The following ARHGAP18 variants were observed in gnomAD, a reference collection of about 807,000 sequenced individuals.
ARHGAP18 encodes rho GTPase-activating protein 18.
Under a neutral mutation model 86.2 loss-of-function variants are expected in ARHGAP18, and 67 were observed. That is an observed-to-expected ratio of 0.78 (90% CI 0.64 to 0.95). The LOEUF (loss-of-function observed/expected upper bound fraction) is 0.95. Ranked by LOEUF, ARHGAP18 falls within the 40% of genes least tolerant of loss-of-function variation. ARHGAP18 has a pLI of 0.00. For missense variants in ARHGAP18, 691 were observed against 780.4 expected, an observed-to-expected ratio of 0.89 and a Z score of 1.37; for synonymous variants, 283 against 280.4, an observed-to-expected ratio of 1.01 and a Z score of -0.09.
At chr6:129,628,469 G>T (rs1377359331) in intron 5 of ARHGAP18, among the ~76,000 whole-genome samples, 1 of 152,254 alleles carries the variant, frequency 6.6e-6, no homozygotes, top group East Asian at 1.9e-4. Context: ...CCAGTCTCAA[G>T]GATGACAAAT....
At chr6:129,668,143 T>G (rs989253157) in intron 1 of ARHGAP18, among the ~76,000 whole-genome samples, 25 of 152,200 alleles carry the variant, frequency 1.6e-4, no homozygotes, top group African/African-American at 5.8e-4. Context: ...GTAACAAGCT[T>G]ATCTGGTCTT....
chr6:129,616,919 G>A lies in ARHGAP18; in HGVS notation c.953-616C>T, dbSNP rs1204196163. ...TACGGTGAGCCGTCACTGCACCACT[G>A]CACTGTAGCCTCAGTGACAGAGCTG... On this transcript the variant is annotated intron_variant, in intron 6 of 14. Transcript: ENST00000368149. 3.3e-5 allele frequency among the ~76,000 whole-genome samples: 5 copies of A among 152,156 alleles called. No individual in the cohort carries two copies. In the East Asian group the frequency reaches 9.6e-4, roughly 29 times the overall value.
At chr6:129,706,904 A>G (rs1217695220) in intron 1 of ARHGAP18, among the ~76,000 whole-genome samples, 1 of 150,106 alleles carries the variant, frequency 6.7e-6, no homozygotes, top group Non-Finnish European at 1.5e-5. Flanking sequence ...AAAAAAAAAA[A>G]AAAGACTTGG....
At chr6:129,625,390 T>TAATATATA (rs1233389392) in intron 5 of ARHGAP18, among the ~76,000 whole-genome samples, 1 of 73,610 alleles carries the variant, frequency 1.4e-5, no homozygotes, top group Non-Finnish European at 2.1e-5. Flanking sequence ...ATATTATATA[T>TAATATATA]TTATACATAT....
intron 1 of ARHGAP18, among the ~76,000 whole-genome samples, chr6:129,698,250 T>C (rs1774652629): frequency 6.6e-6 from 1 of 152,228 alleles, no homozygotes; most frequent in Non-Finnish European, 1.5e-5. Flanking sequence ...TAAACATGTA[T>C]TCATTTTCAA....
At chr6:129,642,682 A>G (rs1484740351) in intron 1 of ARHGAP18, among the ~76,000 whole-genome samples, 1 of 152,218 alleles carries the variant, frequency 6.6e-6, no homozygotes, top group Non-Finnish European at 1.5e-5. Context: ...AATGAATTTT[A>G]TATAATTCTT....
intron 1 of ARHGAP18, among the ~76,000 whole-genome samples, chr6:129,688,503 G>A (rs1399667039): frequency 6.6e-6 from 1 of 152,172 alleles, no homozygotes; most frequent in Non-Finnish European, 1.5e-5. Flanking sequence ...TAAAAAACAC[G>A]TCTTATCAGC....
intron 9 of ARHGAP18, among the ~76,000 whole-genome samples, chr6:129,606,323 C>T (rs968243906): frequency 2.0e-5 from 3 of 152,124 alleles, no homozygotes; most frequent in South Asian, 2.1e-4. Flanking sequence ...AGGGTGCGTC[C>T]GTAACAGTGG....
intron 9 of ARHGAP18, 82 bp downstream of exon 9, chr6:129,607,811 C>T (rs1457624052): frequency 1.1e-5 from 15 of 1,414,418 alleles, no homozygotes; most frequent in African/African-American, 1.5e-5. Flanking sequence ...TGGTTGCGTT[C>T]TTTGTGATGC....
At chr6:129,641,660 T>C (rs983887118) in intron 2 of ARHGAP18, among the ~76,000 whole-genome samples, 156 bp downstream of exon 2, 19 of 152,232 alleles carry the variant, frequency 1.2e-4, no homozygotes, top group African/African-American at 4.6e-4. Context: ...GTTGCATCCA[T>C]AAATCTGCCT....
chr6:129,641,460 T>G (rs1272757334), intron 2 of ARHGAP18, among the ~76,000 whole-genome samples: 1 of 152,218 alleles, frequency 6.6e-6, no homozygotes, highest in African/African-American at 2.4e-5. Context: ...CAGTGCTCTA[T>G]CACCATCTGC....
At chr6:129,699,164 A>G (rs767035467) in intron 1 of ARHGAP18, among the ~76,000 whole-genome samples, 1 of 152,208 alleles carries the variant, frequency 6.6e-6, no homozygotes, top group Non-Finnish European at 1.5e-5. Context: ...TACTAAATTA[A>G]TTACATTATA....
intron 1 of ARHGAP18, among the ~76,000 whole-genome samples, chr6:129,654,055 C>A (rs1584091890): frequency 1.3e-5 from 2 of 152,042 alleles, no homozygotes; most frequent in South Asian, 4.1e-4. Flanking sequence ...AAAACATACA[C>A]ACACACACCT....
At chr6:129,620,015 T>G (rs962728040) in intron 5 of ARHGAP18, among the ~76,000 whole-genome samples, 27 of 151,962 alleles carry the variant, frequency 1.8e-4, no homozygotes, top group Non-Finnish European at 1.6e-4. Flanking sequence ...AGGGCTATTG[T>G]GAGATTTAGT....
At chr6:129,599,872 T>C (rs918784516) in intron 11 of ARHGAP18, among the ~76,000 whole-genome samples, 2 of 152,130 alleles carry the variant, frequency 1.3e-5, no homozygotes, top group Non-Finnish European at 2.9e-5. Flanking sequence ...AAAAACAAAA[T>C]ATTTTAAGGT....
At chr6:129,668,892 G>A (rs921108765) in intron 1 of ARHGAP18, among the ~76,000 whole-genome samples, 4 of 152,220 alleles carry the variant, frequency 2.6e-5, no homozygotes, top group African/African-American at 2.4e-5. Flanking sequence ...CAACCTTGCT[G>A]CTGACTGGAC....
intron 1 of ARHGAP18, among the ~76,000 whole-genome samples, chr6:129,642,633 A>T (rs1373177011): frequency 6.6e-6 from 1 of 152,152 alleles, no homozygotes; most frequent in African/African-American, 2.4e-5. Context: ...GTTTTTAAAA[A>T]GCAACACATT....
chr6:129,664,792 A>T (rs755973095), intron 1 of ARHGAP18, among the ~76,000 whole-genome samples: 6 of 152,222 alleles, frequency 3.9e-5, no homozygotes, highest in Non-Finnish European at 7.3e-5. Context: ...ACAAAGATGT[A>T]TAACCAGTCA....
chr6:129,612,727 A>G lies in ARHGAP18; in HGVS notation c.1045-1117T>C, dbSNP rs143796215. ...TTGTCTGGATATTCTGAAGTTAGAT[A>G]TATTGTAGTATGTGGACACTGGAAG... On this transcript the variant is annotated intron_variant, in intron 7 of 14. Coordinates refer to ENST00000368149, the MANE Select transcript of ARHGAP18 (RefSeq NM_033515.3). Among the ~76,000 whole-genome samples, 1,036 of 152,326 alleles carry G rather than the reference A, an allele frequency of 6.8e-3. 18 individuals are homozygous for G. Among genetic ancestry groups the G allele is most frequent in the African/African-American group, 0.024 (994 of 41,578 alleles).
Sources: allele counts gnomAD v4.1 joint callset (sites outside exome capture counted in the v4.1 genomes callset), GRCh38; gene constraint gnomAD v4.1.1; transcripts MANE v1.5; gene names NCBI Gene and HGNC (gene_info 2026-07-23, HGNC 2026-07-21).